The following CAMK2D variants were observed in gnomAD, a reference collection of about 807,000 sequenced individuals.
CAMK2D encodes calcium/calmodulin dependent protein kinase II delta, also known as calcium/calmodulin-dependent protein kinase type II subunit delta.
CAMK2D carries 37 observed loss-of-function variants against 84.0 expected under a neutral mutation model. The observed-to-expected ratio is 0.44, with a 90% CI of 0.34 to 0.58. The LOEUF is 0.58. Ranked by LOEUF, CAMK2D falls within the 20% of genes least tolerant of loss-of-function variation. The pLI is 0.02. For missense variants in CAMK2D, 448 were observed against 652.5 expected, an observed-to-expected ratio of 0.69 and a Z score of 3.41; for synonymous variants, 202 against 212.5, an observed-to-expected ratio of 0.95 and a Z score of 0.43.
chr4:113,729,725 T>C (rs2099557311), intron 2 of CAMK2D, among the ~76,000 whole-genome samples: 2 of 152,116 alleles, frequency 1.3e-5, no homozygotes, highest in African/African-American at 4.8e-5. Flanking sequence ...GTGTGTAGAG[T>C]TGGGGCCTTT....
At position 113,684,037 on chromosome 4, in the gene CAMK2D, T is replaced by G. The variant is rs533048597; in HGVS notation, c.161-22265A>C. ...GTTAACAGCACCTACCTCATGGAAT[T>G]GTTGAGAGATTTATATATAAAAAGT... On this transcript the variant is annotated intron_variant, in intron 2 of 20. Transcript: ENST00000511664. Among the ~76,000 whole-genome samples, 184 of 152,236 alleles carry G rather than the reference T, an allele frequency of 1.2e-3. 4 individuals carry two copies. The South Asian group carries it at 0.036, about 30-fold the overall frequency.
chr4:113,493,259 A>T (rs1235028535), intron 16 of CAMK2D, among the ~76,000 whole-genome samples: 2 of 152,140 alleles, frequency 1.3e-5, no homozygotes, highest in East Asian at 3.9e-4. Context: ...ACATTTAGGC[A>T]TGATTTTGCA....
chr4:113,655,430 A>T (rs139728210), intron 3 of CAMK2D, among the ~76,000 whole-genome samples: 57 of 152,180 alleles, frequency 3.7e-4, no homozygotes, highest in Non-Finnish European at 5.7e-4. Context: ...TAGGGGTTCC[A>T]GGGTATCACT....
At chr4:113,650,462 A>G (rs2099168302) in intron 3 of CAMK2D, among the ~76,000 whole-genome samples, 2 of 150,908 alleles carry the variant, frequency 1.3e-5, no homozygotes, top group Non-Finnish European at 1.5e-5. Flanking sequence ...GGTTGCAGTG[A>G]GCCGAGATCG....
At chr4:113,664,730 A>C (rs2099250936) in intron 2 of CAMK2D, among the ~76,000 whole-genome samples, 1 of 152,116 alleles carries the variant, frequency 6.6e-6, no homozygotes, top group African/African-American at 2.4e-5. Flanking sequence ...AGGCTGGCCC[A>C]ATTTCAATGT....
chr4:113,643,864 C>CA (rs2099141636), intron 3 of CAMK2D, among the ~76,000 whole-genome samples: 1 of 152,144 alleles, frequency 6.6e-6, no homozygotes, highest in African/African-American at 2.4e-5. Context: ...ATGTTAAACT[C>CA]AAATTAAACT....
intron 2 of CAMK2D, among the ~76,000 whole-genome samples, chr4:113,726,319 C>T (rs1180821256): frequency 6.0e-5 from 9 of 150,672 alleles, no homozygotes; most frequent in African/African-American, 2.2e-4. Context: ...ACTCTATTCA[C>T]GACTTTAAAG....
intron 3 of CAMK2D, among the ~76,000 whole-genome samples, chr4:113,628,490 T>A (rs1674275826): frequency 6.6e-6 from 1 of 152,168 alleles, no homozygotes; most frequent in African/African-American, 2.4e-5. Context: ...TCTGGATTCC[T>A]GCCGTGAAAC....
At chr4:113,713,963 G>GT (rs1226719908) in intron 2 of CAMK2D, among the ~76,000 whole-genome samples, 4 of 151,532 alleles carry the variant, frequency 2.6e-5, no homozygotes, top group East Asian at 3.9e-4. Context: ...GATGGCATCT[G>GT]TTTTTTGTGA....
intron 13 of CAMK2D, among the ~76,000 whole-genome samples, 161 bp downstream of exon 13, chr4:113,509,477 A>G (rs2098179677): frequency 6.6e-6 from 1 of 152,224 alleles, no homozygotes; most frequent in Admixed American, 6.5e-5. Flanking sequence ...TATAAATGTT[A>G]GTCATCTTTG....
intron 3 of CAMK2D, 31 bp downstream of exon 3, chr4:113,661,682 C>T (rs2099232936): frequency 3.0e-6 from 3 of 1,011,338 alleles, no homozygotes; most frequent in African/African-American, 1.6e-5. Context: ...TTTAAATTAA[C>T]ATTTAAAAAA....
intron 6 of CAMK2D, among the ~76,000 whole-genome samples, chr4:113,538,583 T>A (rs1396413081): frequency 6.6e-6 from 1 of 152,192 alleles, no homozygotes; most frequent in Admixed American, 6.5e-5. Flanking sequence ...AAAAATTCAG[T>A]CAATCAAATT....
intron 8 of CAMK2D, among the ~76,000 whole-genome samples, chr4:113,520,446 T>C (rs1421005812): frequency 6.6e-6 from 1 of 151,618 alleles, no homozygotes; most frequent in Non-Finnish European, 1.5e-5. Flanking sequence ...AAAATAAAAG[T>C]GTTTGTTGTT....
intron 4 of CAMK2D, among the ~76,000 whole-genome samples, chr4:113,585,656 GTATATAGTATAGATTAGTA>G (rs1196234630): frequency 4.2e-5 from 5 of 119,586 alleles, no homozygotes; most frequent in Non-Finnish European, 7.2e-5. Flanking sequence ...GTATAGATTA[GTATATAGTATAGATTAGTA>G]TATATATAGT....
chr4:113,705,188 G>C (rs1023630470), intron 2 of CAMK2D, among the ~76,000 whole-genome samples: 1 of 151,358 alleles, frequency 6.6e-6, no homozygotes, highest in South Asian at 2.1e-4. Flanking sequence ...TTAGCCGGGC[G>C]TGGAGGCAGG....
At chr4:113,533,646 G>T (rs937710841) in intron 7 of CAMK2D, among the ~76,000 whole-genome samples, 5 of 151,220 alleles carry the variant, frequency 3.3e-5, no homozygotes, top group African/African-American at 1.2e-4. Flanking sequence ...CATGAACCAA[G>T]ATCTTGGTAG....
At chr4:113,706,678 A>C (rs570946025) in intron 2 of CAMK2D, among the ~76,000 whole-genome samples, 366 of 152,334 alleles carry the variant, frequency 2.4e-3, no homozygotes, top group Non-Finnish European at 4.7e-3. Context: ...TAAAATAAGT[A>C]ATGTAATAAA....
intron 16 of CAMK2D, among the ~76,000 whole-genome samples, chr4:113,499,959 T>C (rs986641247): frequency 6.6e-6 from 1 of 152,050 alleles, no homozygotes; most frequent in African/African-American, 2.4e-5. Flanking sequence ...TGAATGGAGG[T>C]CAAGAATACC....
intron 2 of CAMK2D, among the ~76,000 whole-genome samples, chr4:113,667,057 A>T (rs369703514): frequency 6.6e-6 from 1 of 152,376 alleles, no homozygotes; most frequent in East Asian, 1.9e-4. Context: ...AGCCTCGAGT[A>T]AGAGACATTC....
Sources: allele counts gnomAD v4.1 joint callset (sites outside exome capture counted in the v4.1 genomes callset), GRCh38; gene constraint gnomAD v4.1.1; transcripts MANE v1.5; gene names NCBI Gene and HGNC (gene_info 2026-07-23, HGNC 2026-07-21).